Variants in ARID1B observed in about 807,000 individuals in gnomAD.
The protein encoded by ARID1B is AT-rich interactive domain-containing protein 1B.
Under a neutral mutation model 212.3 loss-of-function variants are expected in ARID1B, and 30 were observed. The observed-to-expected ratio is 0.14, with a 90% CI of 0.11 to 0.19. The LOEUF (loss-of-function observed/expected upper bound fraction) is 0.19. Among genes scored for constraint, ARID1B ranks in the 10% least tolerant of loss-of-function variants. The pLI, the probability that ARID1B is intolerant of heterozygous loss-of-function variation, is 1.00. For missense variants in ARID1B, 2,891 were observed against 3,204.0 expected (o/e 0.90, Z 2.36); for synonymous variants, 1,402 against 1,301.7 (o/e 1.08, Z -1.66).
intron 4 of ARID1B, among the ~76,000 whole-genome samples, chr6:157,031,845 G>C (rs1179475524): frequency 1.3e-5 from 2 of 151,866 alleles, no homozygotes; most frequent in Non-Finnish European, 2.9e-5. Context: ...AGGCTGGATG[G>C]AGTGCAATGG....
At chr6:156,971,540 T>A (rs1257858812) in intron 4 of ARID1B, among the ~76,000 whole-genome samples, 1 of 152,178 alleles carries the variant, frequency 6.6e-6, no homozygotes, top group Non-Finnish European at 1.5e-5. Flanking sequence ...TTTGGAGGCT[T>A]AAAACAACAT....
chr6:156,863,780 G>T (rs1785497014), intron 2 of ARID1B, among the ~76,000 whole-genome samples: 1 of 152,138 alleles, frequency 6.6e-6, no homozygotes, highest in African/African-American at 2.4e-5. Context: ...TTCAGCTGTT[G>T]GTTGGATGAA....
At chr6:157,064,658 T>C (rs1246290829) in intron 4 of ARID1B, among the ~76,000 whole-genome samples, 1 of 152,222 alleles carries the variant, frequency 6.6e-6, no homozygotes, top group Non-Finnish European at 1.5e-5. Flanking sequence ...CTGCTGCACC[T>C]GACGAGTGTC....
At chr6:157,062,891 A>G (rs1419909442) in intron 4 of ARID1B, among the ~76,000 whole-genome samples, 8 of 151,550 alleles carry the variant, frequency 5.3e-5, no homozygotes, top group Non-Finnish European at 8.8e-5. Context: ...TTTTAGTAGA[A>G]ATGGGATTTC....
intron 2 of ARID1B, among the ~76,000 whole-genome samples, chr6:156,890,441 A>T (rs1300321332): frequency 6.6e-6 from 1 of 152,270 alleles, no homozygotes; most frequent in Non-Finnish European, 1.5e-5. Flanking sequence ...CAAAAAAGGT[A>T]AATCTATTTT....
At chr6:157,102,184 T>C (rs569050778) in intron 5 of ARID1B, among the ~76,000 whole-genome samples, 1 of 152,292 alleles carries the variant, frequency 6.6e-6, no homozygotes, top group South Asian at 2.1e-4. Flanking sequence ...TTAACCTCAA[T>C]AAAGGATTAA....
chr6:156,988,691 TTTG>T (rs1778086902), intron 4 of ARID1B, among the ~76,000 whole-genome samples: 2 of 152,192 alleles, frequency 1.3e-5, no homozygotes, highest in African/African-American at 4.8e-5. Flanking sequence ...ACACAGCTGG[TTTG>T]CCTGTGTTTC....
chr6:157,197,722 G>A (rs532175609), intron 16 of ARID1B, among the ~76,000 whole-genome samples: 15 of 151,382 alleles, frequency 9.9e-5, no homozygotes, highest in Admixed American at 9.2e-4. Flanking sequence ...ATGTTTTTTT[G>A]GGGGGGGTAG....
At position 156,900,626 on chromosome 6, in the gene ARID1B, C is replaced by T. The variant is rs567467546; in HGVS notation, c.1987-750C>T. Among the ~76,000 whole-genome samples the T allele has an allele frequency of 2.0e-5, 3 of 152,218 alleles. No homozygotes were observed. In the East Asian group the frequency reaches 5.8e-4, roughly 29 times the overall value. Reference sequence around the variant, plus strand: ...AATTACAGAAAAAGGCAATAGATTTCTCATTAAGAAAATATTCAAAAATAC... The same window carrying T: ...AATTACAGAAAAAGGCAATAGATTTTTCATTAAGAAAATATTCAAAAATAC... On this transcript the variant is annotated intron_variant, in intron 2 of 19. Transcript: ENST00000636930.
At chr6:156,852,013 T>A (rs1784610301) in intron 2 of ARID1B, among the ~76,000 whole-genome samples, 2 of 152,182 alleles carry the variant, frequency 1.3e-5, no homozygotes, top group Non-Finnish European at 2.9e-5. Context: ...CATATTTCCT[T>A]CCTAACTGGG....
At chr6:157,189,802 A>T (rs369500843) in intron 14 of ARID1B, 22 bp downstream of exon 14, 5 of 1,612,396 alleles carry the variant, frequency 3.1e-6, no homozygotes, top group Non-Finnish European at 4.2e-6. Flanking sequence ...TAACTCTGTG[A>T]GGCATACAAA....
At chr6:157,061,211 C>T (rs1370819580) in intron 4 of ARID1B, among the ~76,000 whole-genome samples, 3 of 152,098 alleles carry the variant, frequency 2.0e-5, no homozygotes, top group African/African-American at 7.2e-5. Context: ...ATTTTTACTG[C>T]ATTAAATTGA....
intron 1 of ARID1B, among the ~76,000 whole-genome samples, chr6:156,795,534 ACAGATGTAAGG>A (rs1190412319): frequency 6.6e-6 from 1 of 152,266 alleles, no homozygotes; most frequent in Non-Finnish European, 1.5e-5. Flanking sequence ...AGTTAAAAGA[ACAGATGTAAGG>A]CAGAAAACTC....
chr6:157,089,097 A>G (rs1387005423), intron 5 of ARID1B, among the ~76,000 whole-genome samples: 1 of 152,144 alleles, frequency 6.6e-6, no homozygotes, highest in Non-Finnish European at 1.5e-5. Context: ...CCAACAAGTC[A>G]TTGTAAAATG....
chr6:157,010,538 G>C (rs1012903332), intron 4 of ARID1B, among the ~76,000 whole-genome samples: 1 of 151,270 alleles, frequency 6.6e-6, no homozygotes, highest in African/African-American at 2.4e-5. Context: ...GGCCAGGACG[G>C]TCTCATCTCC....
intron 13 of ARID1B, among the ~76,000 whole-genome samples, chr6:157,187,439 A>G (rs1373929657): frequency 6.6e-6 from 1 of 152,172 alleles, no homozygotes; most frequent in African/African-American, 2.4e-5. Flanking sequence ...TTATAAACAG[A>G]GGTGCCCTCT....
chr6:156,902,154 G>A (rs953042048), intron 3 of ARID1B: 1 of 152,194 alleles, frequency 6.6e-6, no homozygotes, highest in African/African-American at 2.4e-5. Flanking sequence ...CAGAATTTGT[G>A]GAAAAATAGT....
At chr6:157,015,861 C>G (rs552273510) in intron 4 of ARID1B, among the ~76,000 whole-genome samples, 1 of 152,352 alleles carries the variant, frequency 6.6e-6, no homozygotes, top group East Asian at 1.9e-4. Flanking sequence ...CATACATCCC[C>G]CAACCCTCAG....
intron 6 of ARID1B, among the ~76,000 whole-genome samples, chr6:157,127,706 G>T (rs746726172): frequency 6.7e-6 from 1 of 149,876 alleles, no homozygotes; most frequent in African/African-American, 2.5e-5. Context: ...AACTCAGGAG[G>T]TGGAAGTTGC....
Sources: allele counts gnomAD v4.1 joint callset (sites outside exome capture counted in the v4.1 genomes callset), GRCh38; gene constraint gnomAD v4.1.1; transcripts MANE v1.5; gene names NCBI Gene and HGNC (gene_info 2026-07-23, HGNC 2026-07-21).